The following PPARGC1A variants were observed in gnomAD, a reference collection of about 807,000 sequenced individuals.
PPARGC1A encodes the protein PPARG coactivator 1 alpha.
In PPARGC1A, 25 loss-of-function variants were observed where a neutral mutation model predicts 88.7. The ratio of observed to expected loss-of-function variants is 0.28; its 90% CI spans 0.21 to 0.39. The LOEUF (loss-of-function observed/expected upper bound fraction) is 0.39, where lower values mean the gene tolerates loss of function less well. Among genes scored for constraint, PPARGC1A ranks in the 10% least tolerant of loss-of-function variants. PPARGC1A has a pLI of 1.00. For missense variants in PPARGC1A, 880 were observed against 968.7 expected, an observed-to-expected ratio of 0.91 and a Z score of 1.22; for synonymous variants, 363 against 355.6, an observed-to-expected ratio of 1.02 and a Z score of -0.24.
At chr4:23,933,636 T>G in the PPARGC1A span, among the ~76,000 whole-genome samples, 3 of 152,232 alleles carry the variant, frequency 2.0e-5, no homozygotes, top group Non-Finnish European at 4.4e-5. Flanking sequence ...AGCATTTTAT[T>G]TTAGACAGCT....
At chr4:24,368,307 A>G in the PPARGC1A span, among the ~76,000 whole-genome samples, 8 of 152,194 alleles carry the variant, frequency 5.3e-5, no homozygotes, top group African/African-American at 1.9e-4. Context: ...ATACAATTTT[A>G]GGGTAGCAAT....
the PPARGC1A span, among the ~76,000 whole-genome samples, chr4:24,444,276 G>C: frequency 6.6e-6 from 1 of 151,950 alleles, no homozygotes; most frequent in Non-Finnish European, 1.5e-5. Flanking sequence ...CAGGTGATCC[G>C]CCCCCATCGG....
At chr4:24,285,375 C>T in the PPARGC1A span, among the ~76,000 whole-genome samples, 1 of 152,118 alleles carries the variant, frequency 6.6e-6, no homozygotes, top group African/African-American at 2.4e-5. Flanking sequence ...GATACACAAG[C>T]ACATGGATGT....
the PPARGC1A span, among the ~76,000 whole-genome samples, chr4:24,464,090 C>A: frequency 6.6e-6 from 1 of 152,174 alleles, no homozygotes; most frequent in Non-Finnish European, 1.5e-5. Context: ...TTATAAAATG[C>A]AGTTGTTCCA....
At chr4:24,317,554 C>CAAAAAAAAAAAA in the PPARGC1A span, among the ~76,000 whole-genome samples, 3 of 14,254 alleles carry the variant, frequency 2.1e-4, no homozygotes, top group Non-Finnish European at 5.8e-4. Flanking sequence ...GTTCAGAGGA[C>CAAAAAAAAAAAA]TAAAAAAAAA....
At chr4:23,840,197 T>C (rs1380159990) in intron 2 of PPARGC1A, among the ~76,000 whole-genome samples, 1 of 152,058 alleles carries the variant, frequency 6.6e-6, no homozygotes. Flanking sequence ...ATATAATTTA[T>C]CATCCAAGCA....
the PPARGC1A span, among the ~76,000 whole-genome samples, chr4:24,096,817 G>A: frequency 2.0e-5 from 3 of 152,220 alleles, no homozygotes; most frequent in South Asian, 6.2e-4. Flanking sequence ...ATAAGAAATA[G>A]AGTTTTAGAA....
chr4:24,211,687 G>C, the PPARGC1A span, among the ~76,000 whole-genome samples: 1 of 152,054 alleles, frequency 6.6e-6, no homozygotes, highest in Non-Finnish European at 1.5e-5. Flanking sequence ...TAGGTCCCTT[G>C]GGCAAGTTGC....
chr4:24,324,501 T>G, the PPARGC1A span, among the ~76,000 whole-genome samples: 1 of 152,036 alleles, frequency 6.6e-6, no homozygotes, highest in South Asian at 2.1e-4. Context: ...CCACCTTCCA[T>G]TCCTCCTCCT....
chr4:24,286,169 G>A, the PPARGC1A span, among the ~76,000 whole-genome samples: 11,006 of 151,934 alleles, frequency 0.072, 440 homozygotes, highest in African/African-American at 0.088. Flanking sequence ...TGAATGATAC[G>A]TTCAATTGTC....
chr4:23,921,956 A>G, the PPARGC1A span, among the ~76,000 whole-genome samples: 4 of 152,340 alleles, frequency 2.6e-5, no homozygotes, highest in East Asian at 5.8e-4. Context: ...AGAGAATAAT[A>G]CCATTCATTC....
the PPARGC1A span, among the ~76,000 whole-genome samples, chr4:24,185,615 G>A: frequency 6.6e-6 from 1 of 152,148 alleles, no homozygotes; most frequent in Non-Finnish European, 1.5e-5. Flanking sequence ...TTGTATGGGT[G>A]ATTTATTGAA....
At chr4:24,386,058 T>A in the PPARGC1A span, among the ~76,000 whole-genome samples, 2 of 152,184 alleles carry the variant, frequency 1.3e-5, no homozygotes, top group African/African-American at 4.8e-5. Context: ...TCAAGTCAGC[T>A]TCATCCCTGG....
At chr4:24,465,988 C>G in the PPARGC1A span, among the ~76,000 whole-genome samples, 1 of 152,128 alleles carries the variant, frequency 6.6e-6, no homozygotes, top group Non-Finnish European at 1.5e-5. Flanking sequence ...TAAAATTATT[C>G]TATTCATGTA....
At chr4:23,872,015 A>G (rs1713477812) in intron 2 of PPARGC1A, among the ~76,000 whole-genome samples, 1 of 152,122 alleles carries the variant, frequency 6.6e-6, no homozygotes, top group Middle Eastern at 3.2e-3. Flanking sequence ...ATAGCCCCTG[A>G]ATAGCATTAC....
At chr4:23,955,896 T>G in the PPARGC1A span, among the ~76,000 whole-genome samples, 2 of 152,090 alleles carry the variant, frequency 1.3e-5, no homozygotes, top group Non-Finnish European at 2.9e-5. Context: ...TCTCTAGACC[T>G]GAAGTCAGGA....
At chr4:24,057,693 A>G in the PPARGC1A span, among the ~76,000 whole-genome samples, 13 of 152,094 alleles carry the variant, frequency 8.5e-5, no homozygotes, top group Admixed American at 1.3e-4. Context: ...TGGCTTCCTG[A>G]GAGGAAGATG....
Position 23,854,314 on chromosome 4 carries a change from T to C in PPARGC1A, c.235-22563A>G, listed in dbSNP as rs1377722575. On this transcript the variant is annotated intron_variant, in intron 2 of 12. Transcript: ENST00000264867. Reference sequence around the variant, plus strand: ...CAGAATTTTTAGCATAGTTATGTTATTTTGGTCATGGAAATCCCTTTGAAA... The same window carrying C: ...CAGAATTTTTAGCATAGTTATGTTACTTTGGTCATGGAAATCCCTTTGAAA... 2.6e-5 allele frequency among the ~76,000 whole-genome samples: 4 copies of C among 152,210 alleles called. No homozygotes were observed. The East Asian group carries it at 7.7e-4, about 29-fold the overall frequency.
At chr4:24,339,151 C>G in the PPARGC1A span, among the ~76,000 whole-genome samples, 1 of 149,920 alleles carries the variant, frequency 6.7e-6, no homozygotes, top group Non-Finnish European at 1.5e-5. Flanking sequence ...CCTTGTGTGT[C>G]TGGCCTATTT....
Sources: gnomAD v4.1 joint callset for allele counts (sites outside exome capture counted in the v4.1 genomes callset) on GRCh38, gnomAD v4.1.1 for gene constraint, MANE v1.5 for transcripts, NCBI Gene and HGNC (gene_info 2026-07-23, HGNC 2026-07-21) for gene names.